The following TXNRD3 variants were observed in gnomAD, a reference collection of about 807,000 sequenced individuals.
TXNRD3 encodes the protein thioredoxin reductase 3.
A neutral mutation model predicts 78.2 loss-of-function variants in TXNRD3; 68 were observed. That is an observed-to-expected ratio of 0.87 (90% CI 0.72 to 1.06). TXNRD3 has a LOEUF of 1.06. Among genes scored for constraint, TXNRD3 ranks in the 50% least tolerant of loss-of-function variants. The pLI is 0.00. For synonymous variants in TXNRD3, 296 were observed against 300.1 expected (o/e 0.99, Z 0.14); for missense variants, 751 against 809.5 (o/e 0.93, Z 0.88).
At chr3:126,627,304 A>G (rs555567030) in intron 10 of TXNRD3, among the ~76,000 whole-genome samples, 1 of 152,358 alleles carries the variant, frequency 6.6e-6, no homozygotes, top group Admixed American at 6.5e-5. Context: ...GATACAAGGA[A>G]TACATACTGT....
chr3:126,623,733 T>A (rs1194561077), intron 10 of TXNRD3, among the ~76,000 whole-genome samples: 1 of 150,508 alleles, frequency 6.6e-6, no homozygotes, highest in Non-Finnish European at 1.5e-5. Context: ...ACAGGTCACA[T>A]CCTGGCAATG....
intron 6 of TXNRD3, among the ~76,000 whole-genome samples, chr3:126,635,296 C>T (rs769953117): frequency 1.3e-5 from 2 of 152,118 alleles, no homozygotes; most frequent in Non-Finnish European, 2.9e-5. Context: ...AATACAGCTG[C>T]ACATCATAAT....
rs139045189 is a variant in TXNRD3 at position 126,612,457 on chromosome 3, C to A, written c.1633-1325G>T. 8.7e-3 allele frequency among the ~76,000 whole-genome samples: 1,323 copies of A among 152,192 alleles called. 19 individuals are homozygous for A. The highest frequency in any genetic ancestry group is 0.027 in the African/African-American group (1,132 of 41,510). ...CCTCTAAGGTTAAAAAGAGATGGTA[C>A]AAACTCTTACCAGGTTTGTTTTTTG... On this transcript the variant is annotated intron_variant, in intron 13 of 15. Transcript: ENST00000524230.
In TXNRD3 at chr3:126,631,844, A is replaced by G. The variant is rs553590048; in HGVS notation, c.891T>C (p.Thr297=). ...CCGTTGCTATGACAAACTGTGCAGC[A>G]GTATAATAAGTCTCCTGTCCTTTTT... Residue 297 remains threonine (T), a synonymous_variant, in exon 8 of 16, where the codon ACT becomes ACC. Transcript: ENST00000524230. 2 of 1,535,980 alleles carry G rather than the reference A, an allele frequency of 1.3e-6. No homozygotes were observed. The highest frequency in any genetic ancestry group is 1.7e-6 in the Non-Finnish European group (2 of 1,146,826).
chr3:126,615,167 C>T (rs985793626), intron 13 of TXNRD3, among the ~76,000 whole-genome samples, 188 bp downstream of exon 13: 8 of 152,196 alleles, frequency 5.3e-5, no homozygotes, highest in Non-Finnish European at 1.0e-4. Flanking sequence ...TCTTTCCCAA[C>T]CATATTCCTC....
intron 15 of TXNRD3, 147 bp downstream of exon 15, chr3:126,608,352 C>T: frequency 2.1e-6 from 2 of 957,290 alleles, no homozygotes; most frequent in Admixed American, 3.4e-5. Flanking sequence ...CAGAGTGAGA[C>T]CCTGTCTGAA....
At chr3:126,634,587 G>A (rs1421430892) in intron 6 of TXNRD3, among the ~76,000 whole-genome samples, 1 of 152,130 alleles carries the variant, frequency 6.6e-6, no homozygotes, top group Admixed American at 6.5e-5. Flanking sequence ...ATATTACAGT[G>A]TTTACCCATT....
chr3:126,645,488 T>G (rs1191967384), intron 3 of TXNRD3, among the ~76,000 whole-genome samples: 1 of 152,150 alleles, frequency 6.6e-6, no homozygotes, highest in Non-Finnish European at 1.5e-5. Flanking sequence ...ATAGACAATC[T>G]TTTTTCTCCA....
Position 126,621,774 on chromosome 3 carries a change from C to G in TXNRD3, c.1492G>C (p.Ala498Pro). 1.3e-6 allele frequency: 2 copies of G among 1,526,954 alleles called. No homozygotes were observed. Among genetic ancestry groups the G allele is most frequent in the Non-Finnish European group, 1.7e-6 (2 of 1,144,382 alleles). The allele number at this position is 1,526,954 out of a possible 1,614,324, so 94.6% of individuals were successfully genotyped here. A position where few individuals can be genotyped will look rare whatever the true frequency, so the allele number is the denominator to read the frequency against. Residue 498 changes from alanine to proline, a missense_variant, in exon 12 of 16, where the codon GCT becomes CCT. Physicochemically the swap from Ala to Pro is conservative, Grantham distance 27. Transcript: ENST00000524230. ...AAAGAGGCCCCAAAAAGTCTCTGAG[C>G]TAGCAGCTTGCCTGACTGTATGGCG...
chr3:126,612,787 G>T (rs1938229009), intron 13 of TXNRD3, among the ~76,000 whole-genome samples: 1 of 152,170 alleles, frequency 6.6e-6, no homozygotes, highest in Admixed American at 6.5e-5. Context: ...GTTCAAAGTG[G>T]ATGTGAAGTG....
intron 10 of TXNRD3, among the ~76,000 whole-genome samples, chr3:126,625,520 T>C (rs1194615284): frequency 3.3e-5 from 5 of 151,944 alleles, no homozygotes; most frequent in Admixed American, 3.3e-4. Flanking sequence ...TTCCATGGTG[T>C]ATATGTGCCA....
intron 3 of TXNRD3, 53 bp downstream of exon 3, chr3:126,646,058 C>T (rs1010919264): frequency 2.9e-4 from 393 of 1,369,392 alleles, no homozygotes; most frequent in Non-Finnish European, 3.4e-4. Context: ...CTTTTAAATA[C>T]TTTTTTAAAA....
At chr3:126,634,414 T>C (rs1014821757) in intron 6 of TXNRD3, among the ~76,000 whole-genome samples, 1 of 152,130 alleles carries the variant, frequency 6.6e-6, no homozygotes, top group Admixed American at 6.6e-5. Context: ...ACTTGGCTCT[T>C]GGATGGGAAG....
chr3:126,619,203 C>T (rs1388104464), intron 12 of TXNRD3, among the ~76,000 whole-genome samples: 1 of 152,080 alleles, frequency 6.6e-6, no homozygotes, highest in Non-Finnish European at 1.5e-5. Flanking sequence ...CCAGCAATCC[C>T]AGTACTAATA....
At chr3:126,627,807 A>ATGT in intron 10 of TXNRD3, among the ~76,000 whole-genome samples, 1 of 152,220 alleles carries the variant, frequency 6.6e-6, no homozygotes, top group East Asian at 1.9e-4. Context: ...ACCAATTCTA[A>ATGT]TGTTACATGA....
chr3:126,611,153 A>T, intron 13 of TXNRD3, 21 bp from the exon 14 acceptor site: 1 of 1,442,980 alleles, frequency 6.9e-7, no homozygotes. Flanking sequence ...AAAGAGAGAA[A>T]AAGGGCAGAA....
Position 126,631,871 on chromosome 3 carries a change from A to G in TXNRD3, c.864T>C (p.Asn288=), listed in dbSNP as rs1938723297. ...TATAATAAGTCTCCTGTCCTTTTTT[A>G]TTGGTTGCCTTGAAAAAAGAGAAGT... The change falls in exon 8 of 16, where the codon AAT becomes AAC. Residue 288 remains asparagine (N), a synonymous_variant. Coordinates refer to ENST00000524230, the MANE Select transcript of TXNRD3 (RefSeq NM_052883.3). 6 of 1,535,582 alleles carry G rather than the reference A, an allele frequency of 3.9e-6. No homozygotes were observed. The highest frequency in any genetic ancestry group is 5.2e-6 in the Non-Finnish European group (6 of 1,146,404).
In TXNRD3 at chr3:126,640,094, C is replaced by CTTT. The variant is rs747114940; in HGVS notation, c.712+1935_712+1937dup. Among the ~76,000 whole-genome samples, 107 of 14,308 alleles carry CTTT rather than the reference C, an allele frequency of 7.5e-3. 34 individuals carry two copies. The highest frequency in any genetic ancestry group is 9.3e-3 in the East Asian group (8 of 860). The allele number at this position is 14,308 out of a possible 152,430, so 9.4% of individuals were successfully genotyped here. On this transcript the variant is annotated intron_variant, in intron 6 of 15. Transcript: ENST00000524230. ...AATAAACCAAAGCTGCTTGTGTTTT[C>CTTT]TTTTTTTTTTTTTTTTTTTTTTTTT...
At chr3:126,631,262 T>C (rs541758642) in intron 8 of TXNRD3, among the ~76,000 whole-genome samples, 1 of 152,186 alleles carries the variant, frequency 6.6e-6, no homozygotes, top group South Asian at 2.1e-4. Flanking sequence ...TGAAGAGGTG[T>C]GTGTTTGTTT....
Sources: allele counts gnomAD v4.1 joint callset (sites outside exome capture counted in the v4.1 genomes callset), GRCh38; gene constraint gnomAD v4.1.1; transcripts MANE v1.5; gene names NCBI Gene and HGNC (gene_info 2026-07-23, HGNC 2026-07-21).